GTF2F2: variants seen among roughly 807,000 people sequenced by gnomAD.
GTF2F2 encodes the protein general transcription factor IIF subunit 2.
A neutral mutation model predicts 42.2 loss-of-function variants in GTF2F2; 23 were observed. That is an observed-to-expected ratio of 0.55 (90% CI 0.39 to 0.77). The LOEUF (loss-of-function observed/expected upper bound fraction) is 0.77. GTF2F2 is among the 30% of genes least tolerant of loss of function. GTF2F2 has a pLI of 0.00. For synonymous variants in GTF2F2, 105 were observed against 100.8 expected (o/e 1.04, Z -0.25); for missense variants, 261 against 287.2 (o/e 0.91, Z 0.66).
intron 4 of GTF2F2, among the ~76,000 whole-genome samples, chr13:45,163,295 A>G (rs1375159284): frequency 2.0e-5 from 3 of 152,098 alleles, no homozygotes; most frequent in East Asian, 3.9e-4. Flanking sequence ...TCTTTGTAAA[A>G]CCAAACCTAA....
rs143406187 is a variant in GTF2F2 at position 45,164,027 on chromosome 13, A to G, written c.304+12196A>G. Among the ~76,000 whole-genome samples, 109 of 152,256 alleles carry G rather than the reference A, an allele frequency of 7.2e-4. 1 individual carries two copies. Among genetic ancestry groups the G allele is most frequent in the African/African-American group, 2.5e-3 (103 of 41,558 alleles). ...AAATTAGCCAAGTGTGGTGGTGCGCATCTATAATCCCAGCTCCTCAGCACA... is the reference window on the plus strand; with the variant it reads ...AAATTAGCCAAGTGTGGTGGTGCGCGTCTATAATCCCAGCTCCTCAGCACA... On this transcript the variant is annotated intron_variant, in intron 4 of 7. Transcript: ENST00000340473.
intron 7 of GTF2F2, among the ~76,000 whole-genome samples, chr13:45,283,109 C>T (rs891292423): frequency 6.6e-6 from 1 of 152,062 alleles, no homozygotes; most frequent in African/African-American, 2.4e-5. Context: ...CCTTGGTGTA[C>T]CGTGTCACAC....
At chr13:45,126,921 T>A (rs1337436491) in intron 1 of GTF2F2, among the ~76,000 whole-genome samples, 1 of 152,230 alleles carries the variant, frequency 6.6e-6, no homozygotes, top group Non-Finnish European at 1.5e-5. Context: ...AACCATACCC[T>A]GTTGTACTTA....
At chr13:45,178,341 C>T (rs1871982463) in intron 4 of GTF2F2, among the ~76,000 whole-genome samples, 1 of 70,000 alleles carries the variant, frequency 1.4e-5, no homozygotes, top group South Asian at 3.0e-4. Flanking sequence ...TTAAATTATG[C>T]TTCTTATTTT....
At chr13:45,281,698 C>T (rs1566161446) in intron 7 of GTF2F2, among the ~76,000 whole-genome samples, 1 of 152,226 alleles carries the variant, frequency 6.6e-6, no homozygotes, top group Non-Finnish European at 1.5e-5. Context: ...TAGCACCATG[C>T]TAGAGAAAAG....
chr13:45,226,344 G>T lies in GTF2F2; in HGVS notation c.386+18839G>T, dbSNP rs191768058. 2.1e-3 allele frequency among the ~76,000 whole-genome samples: 322 copies of T among 152,214 alleles called. 4 individuals carry two copies. The highest frequency in any genetic ancestry group is 7.3e-3 in the African/African-American group (304 of 41,524). On this transcript the variant is annotated intron_variant, in intron 5 of 7. Transcript: ENST00000340473. ...TTCTTTTTGGTAACTTTCCCCATCA[G>T]CATATCTTAGAGGGTGGGCCTTTTT...
intron 1 of GTF2F2, chr13:45,123,969 C>T (rs572113713): frequency 1.3e-6 from 1 of 775,486 alleles, no homozygotes; most frequent in Admixed American, 2.0e-5. Context: ...GAGGGTCTCT[C>T]TCTTCCTCTT....
chr13:45,170,432 CA>C (rs1871537466), intron 4 of GTF2F2, among the ~76,000 whole-genome samples: 1 of 152,154 alleles, frequency 6.6e-6, no homozygotes, highest in Non-Finnish European at 1.5e-5. Context: ...GGCTTAGAAG[CA>C]AATAAAAGCT....
At chr13:45,191,224 AATATATATATATATAT>A (rs1165963910) in intron 4 of GTF2F2, among the ~76,000 whole-genome samples, 1 of 75,314 alleles carries the variant, frequency 1.3e-5, no homozygotes. Flanking sequence ...ACAAAAAAAA[AATATATATATATATAT>A]ATATATATAT....
intron 1 of GTF2F2, among the ~76,000 whole-genome samples, chr13:45,125,444 C>G (rs959382114): frequency 1.5e-4 from 23 of 152,166 alleles, no homozygotes; most frequent in African/African-American, 5.5e-4. Flanking sequence ...CTCAGCCTCC[C>G]GAGTAGCTGG....
chr13:45,228,162 C>T (rs1874458992), intron 5 of GTF2F2, among the ~76,000 whole-genome samples: 1 of 151,684 alleles, frequency 6.6e-6, no homozygotes, highest in Admixed American at 6.6e-5. Context: ...TGCTCACACA[C>T]CGTTCTTCCC....
At chr13:45,275,251 C>G (rs759034110) in intron 7 of GTF2F2, among the ~76,000 whole-genome samples, 2 of 152,110 alleles carry the variant, frequency 1.3e-5, no homozygotes, top group Non-Finnish European at 1.5e-5. Flanking sequence ...CCAGGACCTT[C>G]TGCAAATACC....
intron 4 of GTF2F2, among the ~76,000 whole-genome samples, chr13:45,191,215 CAAAA>C (rs1158010068): frequency 9.5e-4 from 71 of 74,814 alleles, no homozygotes; most frequent in African/African-American, 3.2e-3. Flanking sequence ...ACTAAAAATA[CAAAA>C]AAAAAATATA....
chr13:45,210,794 A>C (rs568518836), intron 5 of GTF2F2, among the ~76,000 whole-genome samples: 1 of 152,218 alleles, frequency 6.6e-6, no homozygotes, highest in African/African-American at 2.4e-5. Context: ...TGCTATAACT[A>C]TTAAGGAGAT....
intron 5 of GTF2F2, among the ~76,000 whole-genome samples, chr13:45,225,807 T>G (rs1187834128): frequency 1.3e-5 from 2 of 152,194 alleles, no homozygotes; most frequent in Non-Finnish European, 2.9e-5. Context: ...CTACAATGGA[T>G]TATTGTCATA....
intron 6 of GTF2F2, among the ~76,000 whole-genome samples, chr13:45,254,597 G>A (rs1362278006): frequency 6.6e-6 from 1 of 152,168 alleles, no homozygotes; most frequent in Non-Finnish European, 1.5e-5. Context: ...CTGAGGTGGT[G>A]CAGCCAGTAA....
At chr13:45,270,120 G>A (rs758315125) in intron 7 of GTF2F2, among the ~76,000 whole-genome samples, 1 of 152,100 alleles carries the variant, frequency 6.6e-6, no homozygotes, top group Non-Finnish European at 1.5e-5. Context: ...GTGAGCTACC[G>A]TTCCTGGCCA....
At chr13:45,139,360 C>G (rs1869797655) in intron 2 of GTF2F2, among the ~76,000 whole-genome samples, 1 of 152,228 alleles carries the variant, frequency 6.6e-6, no homozygotes, top group Admixed American at 6.5e-5. Context: ...ACACCTCTCT[C>G]TCTGTCCACG....
chr13:45,211,585 AAT>A (rs377328118), intron 5 of GTF2F2, among the ~76,000 whole-genome samples: 21,590 of 142,050 alleles, frequency 0.15, 1,571 homozygotes, highest in Non-Finnish European at 0.19. Flanking sequence ...AAAAAAAAAA[AAT>A]TTTTTTTTTT....
Sources: allele counts gnomAD v4.1 joint callset (sites outside exome capture counted in the v4.1 genomes callset), GRCh38; gene constraint gnomAD v4.1.1; transcripts MANE v1.5; gene names NCBI Gene and HGNC (gene_info 2026-07-23, HGNC 2026-07-21).